Variants in SLC25A48 observed in about 807,000 individuals in gnomAD.
The protein encoded by SLC25A48 is CTC-321K16.1.
A neutral mutation model predicts 32.2 loss-of-function variants in SLC25A48; 29 were observed. That is an observed-to-expected ratio of 0.90 (90% CI 0.67 to 1.23). The LOEUF (loss-of-function observed/expected upper bound fraction) is 1.23, where lower values mean the gene tolerates loss of function less well. SLC25A48 is among the 50% of genes most tolerant of loss of function. The pLI is 0.00. For missense variants in SLC25A48, 399 were observed against 422.7 expected, an observed-to-expected ratio of 0.94 and a Z score of 0.49; for synonymous variants, 164 against 172.3, an observed-to-expected ratio of 0.95 and a Z score of 0.38.
chr5:135,887,943 T>C, intron 7 of SLC25A48, 89 bp from the exon 8 acceptor site: 1 of 1,229,350 alleles, frequency 8.1e-7, no homozygotes, highest in Non-Finnish European at 1.2e-6. Context: ...AACATAGGGG[T>C]TAGAGGAAGG....
chr5:135,863,316 G>C (rs1431213532), intron 4 of SLC25A48, among the ~76,000 whole-genome samples: 1 of 152,210 alleles, frequency 6.6e-6, no homozygotes, highest in African/African-American at 2.4e-5. Flanking sequence ...GCAGACTTGA[G>C]TGAGAAGAGG....
chr5:135,658,913 C>T (rs529104434), intron 3 of SLC25A48, among the ~76,000 whole-genome samples: 41 of 152,344 alleles, frequency 2.7e-4, no homozygotes, highest in African/African-American at 8.2e-4. Context: ...CACAGAGCAG[C>T]GGGGCCCTGG....
At chr5:135,748,980 C>T (rs1755706529) in intron 3 of SLC25A48, among the ~76,000 whole-genome samples, 1 of 152,056 alleles carries the variant, frequency 6.6e-6, no homozygotes, top group African/African-American at 2.4e-5. Flanking sequence ...GGGCCTCCCA[C>T]AGTGCTGAGA....
chr5:135,776,588 AG>A (rs1488291129), intron 3 of SLC25A48, among the ~76,000 whole-genome samples: 2 of 120,948 alleles, frequency 1.7e-5, no homozygotes, highest in Non-Finnish European at 4.1e-5. Context: ...AGTGAGGGAG[AG>A]GATGATATTA....
At chr5:135,604,901 C>T (rs1206131335) in intron 1 of SLC25A48, among the ~76,000 whole-genome samples, 1 of 152,164 alleles carries the variant, frequency 6.6e-6, no homozygotes, top group Non-Finnish European at 1.5e-5. Context: ...AGCGTTTCCA[C>T]CTGTAAGTGG....
intron 3 of SLC25A48, among the ~76,000 whole-genome samples, chr5:135,659,704 T>C (rs1753343818): frequency 6.6e-6 from 1 of 152,088 alleles, no homozygotes; most frequent in Admixed American, 6.6e-5. Context: ...GTTCTGCAGG[T>C]TGTACAGGAA....
intron 3 of SLC25A48, among the ~76,000 whole-genome samples, chr5:135,799,547 C>A (rs904517041): frequency 4.6e-5 from 7 of 151,302 alleles, no homozygotes; most frequent in Admixed American, 2.7e-4. Flanking sequence ...ATGTGTACAC[C>A]CCCCTGTTGT....
At chr5:135,737,523 C>T (rs529895267) in intron 3 of SLC25A48, among the ~76,000 whole-genome samples, 1 of 152,260 alleles carries the variant, frequency 6.6e-6, no homozygotes, top group East Asian at 1.9e-4. Flanking sequence ...TGAACCCTGA[C>T]CAAGCCCTAT....
At chr5:135,588,028 AG>A (rs1751412596) in intron 1 of SLC25A48, among the ~76,000 whole-genome samples, 2 of 152,216 alleles carry the variant, frequency 1.3e-5, no homozygotes, top group African/African-American at 4.8e-5. Context: ...GTGTTGGCGG[AG>A]GCCCGAATTC....
At chr5:135,848,670 A>C (rs1463499273) in intron 2 of SLC25A48, among the ~76,000 whole-genome samples, 2 of 152,184 alleles carry the variant, frequency 1.3e-5, no homozygotes, top group African/African-American at 4.8e-5. Context: ...AGTTCCATGA[A>C]GGCAGACTCT....
intron 3 of SLC25A48, among the ~76,000 whole-genome samples, chr5:135,711,589 A>G (rs1754664673): frequency 6.6e-6 from 1 of 152,186 alleles, no homozygotes; most frequent in Non-Finnish European, 1.5e-5. Context: ...ACCATTAGAC[A>G]ATACTCTTTT....
intron 4 of SLC25A48, among the ~76,000 whole-genome samples, chr5:135,861,294 T>C (rs747487450): frequency 6.7e-6 from 1 of 148,730 alleles, no homozygotes; most frequent in Non-Finnish European, 1.5e-5. Context: ...GGATGTGCAC[T>C]AGTCCATCAA....
At chr5:135,649,962 T>C (rs906499393) in intron 3 of SLC25A48, 1 of 172,940 alleles carries the variant, frequency 5.8e-6, no homozygotes, top group African/African-American at 2.4e-5. Context: ...TAAGCACTTG[T>C]AGAAAGACAG....
intron 6 of SLC25A48, chr5:135,876,183 T>A (rs1762040429): frequency 7.5e-6 from 1 of 132,590 alleles, no homozygotes; most frequent in Admixed American, 8.5e-5. Flanking sequence ...AGTTTGTGAT[T>A]CAGCCAATGA....
intron 1 of SLC25A48, among the ~76,000 whole-genome samples, chr5:135,602,744 C>G (rs1476835075): frequency 6.6e-6 from 1 of 151,872 alleles, no homozygotes; most frequent in Non-Finnish European, 1.5e-5. Flanking sequence ...GGTATATCTC[C>G]TAATACTATC....
chr5:135,782,007 G>GAGA (rs34781945), intron 3 of SLC25A48, among the ~76,000 whole-genome samples: 55,575 of 111,014 alleles, frequency 0.5, 20,872 homozygotes, highest in Middle Eastern at 0.69. Flanking sequence ...CTAATATCCA[G>GAGA]AGAAGAGGAT....
intron 3 of SLC25A48, among the ~76,000 whole-genome samples, chr5:135,796,556 T>C (rs1383009723): frequency 2.7e-5 from 4 of 149,646 alleles, no homozygotes; most frequent in African/African-American, 9.9e-5. Context: ...GGGTTTGATA[T>C]GGTTCATAAT....
chr5:135,849,730 C>T (rs995529531), intron 2 of SLC25A48, among the ~76,000 whole-genome samples: 1 of 152,092 alleles, frequency 6.6e-6, no homozygotes, highest in Non-Finnish European at 1.5e-5. Context: ...GAAGAGCCTT[C>T]CAGAAGTGGG....
chr5:135,667,803 A>G (rs1213090264), intron 3 of SLC25A48, among the ~76,000 whole-genome samples: 1 of 152,218 alleles, frequency 6.6e-6, no homozygotes, highest in Non-Finnish European at 1.5e-5. Flanking sequence ...CACTTGGTGA[A>G]ACACCTTCAT....
Sources: allele counts gnomAD v4.1 joint callset (sites outside exome capture counted in the v4.1 genomes callset), GRCh38; gene constraint gnomAD v4.1.1; transcripts MANE v1.5; gene names NCBI Gene and HGNC (gene_info 2026-07-23, HGNC 2026-07-21).